LRRN3: variants seen among roughly 807,000 people sequenced by gnomAD.
The protein encoded by LRRN3 is leucine rich repeat neuronal 3, also known as leucine-rich repeat neuronal protein 3.
In LRRN3, 15 loss-of-function variants were observed where a neutral mutation model predicts 40.1. The observed-to-expected ratio is 0.37, with a 90% CI of 0.25 to 0.58. The LOEUF is 0.58. Among genes scored for constraint, LRRN3 ranks in the 20% least tolerant of loss-of-function variants. LRRN3 has a pLI of 0.72. For missense variants in LRRN3, 746 were observed against 837.7 expected (o/e 0.89, Z 1.35); for synonymous variants, 308 against 297.2 (o/e 1.04, Z -0.37).
At chr7:111,109,943 G>C (rs541446332) in intron 2 of LRRN3, among the ~76,000 whole-genome samples, 1 of 152,262 alleles carries the variant, frequency 6.6e-6, no homozygotes, top group African/African-American at 2.4e-5. Context: ...AGACCGGCCT[G>C]ATCAATATGG....
chr7:111,097,098 T>C (rs1048942531), intron 1 of LRRN3: 3 of 151,854 alleles, frequency 2.0e-5, no homozygotes, highest in Non-Finnish European at 4.4e-5. Context: ...ACTTTTTGCA[T>C]GTTTGCATAA....
intron 2 of LRRN3, among the ~76,000 whole-genome samples, chr7:111,105,529 C>T (rs1798446886): frequency 6.6e-6 from 1 of 151,862 alleles, no homozygotes. Context: ...CTGCAAATCA[C>T]AAAAATGGGT....
Position 111,122,941 on chromosome 7 carries a change from G to T in LRRN3, c.169G>T (p.Asp57Tyr), listed in dbSNP as rs981692608. ...GGAAGCATCTACAGTGGATTGTAAT[G>T]ATTTAGGTCTTTTAACTTTCCCAGC... is the stretch of plus-strand genomic sequence containing the variant. The part of the protein sequence containing the change: ...YMEASTVDCN[D>Y]LGLLTFPARL... Residue 57 changes from aspartate to tyrosine, a missense_variant, in exon 3 of 3, where the codon GAT (aspartate) becomes TAT (tyrosine). Transcript: ENST00000308478. The T allele has an allele frequency of 1.2e-6, 2 of 1,614,008 alleles. No individual in the cohort carries two copies. The highest frequency in any genetic ancestry group is 1.7e-6 in the Non-Finnish European group (2 of 1,179,958).
rs766962009 is a variant in LRRN3, at chr7:111,124,201, T to C, written c.1429T>C (p.Ser477Pro). 6.2e-7 allele frequency: 1 copy of C among 1,613,956 alleles called. No individual in the cohort carries two copies. Among genetic ancestry groups the C allele is most frequent in the Non-Finnish European group, 8.5e-7 (1 of 1,179,938 alleles). Reference protein sequence around the residue: ...NTLTDKFYVHSEGTLDINGVT... With the variant: ...NTLTDKFYVHPEGTLDINGVT... ...CCTGACAGACAAGTTCTATGTCCAT[T>C]CTGAGGGAACACTAGATATAAATGG... is the stretch of plus-strand genomic sequence containing the variant. The change falls in exon 3 of 3, where the codon TCT becomes CCT. Residue 477 changes from serine (S) to proline (P), a missense_variant. By Grantham distance (74) the Ser-to-Pro change is moderately conservative. Coordinates refer to ENST00000308478, the MANE Select transcript of LRRN3 (RefSeq NM_001099658.2).
At chr7:111,122,119 GT>G (rs1800714901) in intron 2 of LRRN3, among the ~76,000 whole-genome samples, 1 of 151,798 alleles carries the variant, frequency 6.6e-6, no homozygotes, top group Admixed American at 6.6e-5. Context: ...TATACCTAAT[GT>G]TAAATGACGA....
intron 1 of LRRN3, among the ~76,000 whole-genome samples, chr7:111,092,371 G>A (rs184891018): frequency 1.3e-5 from 2 of 152,252 alleles, no homozygotes; most frequent in South Asian, 2.1e-4. Context: ...TCCCTTTGCT[G>A]TTGTTGAGCT....
rs1800979866 is a variant in LRRN3 at position 111,124,024 on chromosome 7, A to G, written c.1252A>G (p.Ile418Val). The change falls in exon 3 of 3, where the codon ATT (isoleucine) becomes GTT (valine). Residue 418 changes from isoleucine (I) to valine (V), a missense_variant. Coordinates refer to ENST00000308478, the MANE Select transcript of LRRN3 (RefSeq NM_001099658.2). ...RQVHFRDMME[I>V]CLPLIAPESF... ...AGTGCATTTCAGGGACATGATGGAA[A>G]TTTGTCTCCCTCTTATAGCTCCTGA... is the stretch of plus-strand genomic sequence containing the variant. 1 of 1,614,078 alleles carries G rather than the reference A, an allele frequency of 6.2e-7. No individual in the cohort carries two copies. Among genetic ancestry groups the G allele is most frequent in the East Asian group, 2.2e-5 (1 of 44,878 alleles).
At chr7:111,114,250 T>A (rs1316488194) in intron 2 of LRRN3, among the ~76,000 whole-genome samples, 2 of 152,188 alleles carry the variant, frequency 1.3e-5, no homozygotes, top group African/African-American at 4.8e-5. Flanking sequence ...AAATTTTTCA[T>A]GAATTTGTAC....
In LRRN3 at chr7:111,123,438, A is replaced by G. The variant is rs1800895717; in HGVS notation, c.666A>G (p.Ile222Met). Residue 222 changes from isoleucine (I) to methionine (M), a missense_variant, in exon 3 of 3, where the codon ATA (isoleucine) becomes ATG (methionine). Coordinates refer to ENST00000308478, the MANE Select transcript of LRRN3 (RefSeq NM_001099658.2). This position sits in a 1 kb window ranked among gnomAD's most constrained non-coding sequence, Gnocchi z 6.4. ...TTCGCAGCCTGGTTATAGCTGGTAT[A>G]AACCTCACAGAAATACCAGATAACG... ...INLRSLVIAG[I>M]NLTEIPDNAL... is the part of the protein sequence containing the mutation. 1.2e-6 allele frequency: 2 copies of G among 1,613,554 alleles called. No individual in the cohort carries two copies. The highest frequency in any genetic ancestry group is 1.7e-6 in the Non-Finnish European group (2 of 1,179,830).
chr7:111,094,356 ATAG>A (rs1797183909), intron 1 of LRRN3, among the ~76,000 whole-genome samples: 1 of 152,136 alleles, frequency 6.6e-6, no homozygotes, highest in South Asian at 2.1e-4. Flanking sequence ...AAGAAAGCTA[ATAG>A]TAGACTAAAA....
At chr7:111,093,881 G>T (rs1797125905) in intron 1 of LRRN3, among the ~76,000 whole-genome samples, 1 of 152,000 alleles carries the variant, frequency 6.6e-6, no homozygotes, top group South Asian at 2.1e-4. Context: ...TTTTTTCAGG[G>T]TGTCGCTTGT....
chr7:111,096,727 C>A (rs1448410740), intron 1 of LRRN3, among the ~76,000 whole-genome samples: 1 of 151,846 alleles, frequency 6.6e-6, no homozygotes, highest in Non-Finnish European at 1.5e-5. Context: ...TCTCCAAAGT[C>A]ACTTAAGAAC....
intron 2 of LRRN3, among the ~76,000 whole-genome samples, chr7:111,117,290 G>C (rs1231327745): frequency 1.3e-5 from 2 of 152,086 alleles, no homozygotes; most frequent in African/African-American, 4.8e-5. Context: ...TATCATGTAA[G>C]TTTGGGATGT....
intron 2 of LRRN3, among the ~76,000 whole-genome samples, chr7:111,102,397 G>A (rs1798071417): frequency 6.6e-6 from 1 of 151,478 alleles, no homozygotes; most frequent in Non-Finnish European, 1.5e-5. Flanking sequence ...CCTCTTAGCT[G>A]CTGGAGTTTA....
intron 2 of LRRN3, among the ~76,000 whole-genome samples, chr7:111,112,733 T>G (rs573385922): frequency 8.5e-5 from 13 of 152,208 alleles, no homozygotes; most frequent in Non-Finnish European, 1.9e-4. Flanking sequence ...AGACAAACAA[T>G]CCCATGCTTA....
At chr7:111,092,914 T>C (rs866484955) in intron 1 of LRRN3, among the ~76,000 whole-genome samples, 14 of 152,210 alleles carry the variant, frequency 9.2e-5, no homozygotes, top group Non-Finnish European at 7.3e-5. Flanking sequence ...GTCAGCTTCT[T>C]TGAAACTGTG....
rs368108900 is a variant in LRRN3 at position 111,095,300 on chromosome 7, G to C, written c.-441+3796G>C. 2.4e-4 allele frequency among the ~76,000 whole-genome samples: 37 copies of C among 152,050 alleles called. 1 individual carries two copies. The highest frequency in any genetic ancestry group is 8.4e-4 in the African/African-American group (35 of 41,500). Reference sequence around the variant, plus strand: ...ATACATTATACTTTGTATTCACCCAGCTATTTATTGGAGAGGCCTAGGTTA... The same window carrying C: ...ATACATTATACTTTGTATTCACCCACCTATTTATTGGAGAGGCCTAGGTTA... On this transcript the variant is annotated intron_variant, in intron 1 of 2. Transcript: ENST00000308478.
At chr7:111,101,676 A>G (rs1041982792) in intron 2 of LRRN3, among the ~76,000 whole-genome samples, 1 of 151,442 alleles carries the variant, frequency 6.6e-6, no homozygotes, top group Non-Finnish European at 1.5e-5. Flanking sequence ...CAATAGGTAT[A>G]TTGTCTTGTG....
intron 1 of LRRN3, among the ~76,000 whole-genome samples, chr7:111,099,067 G>A (rs1002030662): frequency 6.6e-6 from 1 of 151,458 alleles, no homozygotes; most frequent in Non-Finnish European, 1.5e-5. Context: ...ATGATTTTTT[G>A]TAGTTCAATT....
Sources: gnomAD v4.1 joint callset for allele counts (sites outside exome capture counted in the v4.1 genomes callset) on GRCh38, gnomAD v4.1.1 for gene constraint, Gnocchi (gnomAD v3.1) non-coding constraint, MANE v1.5 for transcripts, NCBI Gene and HGNC (gene_info 2026-07-23, HGNC 2026-07-21) for gene names.